NAALADL2: variants seen among roughly 807,000 people sequenced by gnomAD.
NAALADL2 encodes the protein N-acetylated alpha-linked acidic dipeptidase like 2, also known as inactive N-acetylated-alpha-linked acidic dipeptidase-like protein 2.
A neutral mutation model predicts 87.2 loss-of-function variants in NAALADL2; 76 were observed. The ratio of observed to expected loss-of-function variants is 0.87; its 90% CI spans 0.72 to 1.05. The LOEUF (loss-of-function observed/expected upper bound fraction) is 1.05, where lower values mean the gene tolerates loss of function less well. Among genes scored for constraint, NAALADL2 ranks in the 50% least tolerant of loss-of-function variants. NAALADL2 has a pLI of 0.00. For synonymous variants in NAALADL2, 354 were observed against 331.0 expected, an observed-to-expected ratio of 1.07 and a Z score of -0.75; for missense variants, 1,089 against 945.8, an observed-to-expected ratio of 1.15 and a Z score of -1.99.
chr3:175,652,568 T>C (rs1333998609), intron 11 of NAALADL2, among the ~76,000 whole-genome samples: 1 of 147,324 alleles, frequency 6.8e-6, no homozygotes, highest in African/African-American at 2.5e-5. Context: ...AAGCTCCGCC[T>C]CCCGGGTTCA....
chr3:175,519,977 CAAAT>C (rs1732397410), intron 9 of NAALADL2, among the ~76,000 whole-genome samples: 1 of 152,094 alleles, frequency 6.6e-6, no homozygotes, highest in Non-Finnish European at 1.5e-5. Context: ...GAATCTTAGA[CAAAT>C]GAATAAGATG....
intron 1 of NAALADL2, among the ~76,000 whole-genome samples, chr3:175,024,219 T>C (rs921519824): frequency 7.9e-5 from 12 of 152,022 alleles, no homozygotes; most frequent in Non-Finnish European, 2.9e-5. Flanking sequence ...TAAACTAATA[T>C]CATTAAAGTG....
At chr3:175,063,417 A>G (rs1284040153) in intron 1 of NAALADL2, among the ~76,000 whole-genome samples, 1 of 151,842 alleles carries the variant, frequency 6.6e-6, no homozygotes, top group Non-Finnish European at 1.5e-5. Context: ...GCAATGGTTC[A>G]TGCCTGTAAT....
At chr3:174,539,977 G>GAAAAAA (rs57394560) in intron 1 of NAALADL2, among the ~76,000 whole-genome samples, 1 of 51,178 alleles carries the variant, frequency 2.0e-5, no homozygotes, top group Non-Finnish European at 3.8e-5. Flanking sequence ...GGAAGTTCTG[G>GAAAAAA]AAAAAAAAAA....
At chr3:174,888,377 A>G (rs948441866) in intron 1 of NAALADL2, among the ~76,000 whole-genome samples, 1 of 152,236 alleles carries the variant, frequency 6.6e-6, no homozygotes. Flanking sequence ...AATATAAGAC[A>G]GGAAATGCTC....
intron 2 of NAALADL2, among the ~76,000 whole-genome samples, chr3:174,666,095 T>C (rs1345650412): frequency 6.6e-6 from 1 of 152,174 alleles, no homozygotes; most frequent in African/African-American, 2.4e-5. Context: ...TATCATTTTT[T>C]GGGGTATAGT....
intron 11 of NAALADL2, among the ~76,000 whole-genome samples, chr3:175,652,419 T>TG (rs1730883306): frequency 6.6e-6 from 1 of 152,060 alleles, no homozygotes; most frequent in Non-Finnish European, 1.5e-5. Context: ...AGGCTAGAAC[T>TG]GTTAAAATGT....
chr3:174,461,914 CTT>C (rs1716236653), intron 1 of NAALADL2, among the ~76,000 whole-genome samples: 1 of 151,976 alleles, frequency 6.6e-6, no homozygotes, highest in East Asian at 1.9e-4. Flanking sequence ...ACACAAGTAA[CTT>C]ATCATCTATA....
chr3:174,780,725 A>C (rs1160279148), intron 3 of NAALADL2, among the ~76,000 whole-genome samples: 1 of 152,076 alleles, frequency 6.6e-6, no homozygotes, highest in Non-Finnish European at 1.5e-5. Flanking sequence ...CCTTTTCTGC[A>C]CCTGTTGAGA....
chr3:175,020,729 C>T (rs114632292), intron 1 of NAALADL2, among the ~76,000 whole-genome samples: 373 of 152,152 alleles, frequency 2.5e-3, no homozygotes, highest in African/African-American at 8.3e-3. Context: ...CATACCAGTT[C>T]AGAAGTCACC....
chr3:175,652,959 A>G (rs1730985172), intron 11 of NAALADL2, among the ~76,000 whole-genome samples: 1 of 152,334 alleles, frequency 6.6e-6, no homozygotes, highest in South Asian at 2.1e-4. Flanking sequence ...TACTGATAAC[A>G]TAAACAGGGG....
At chr3:175,208,768 G>A (rs1316200024) in intron 2 of NAALADL2, among the ~76,000 whole-genome samples, 2 of 152,120 alleles carry the variant, frequency 1.3e-5, no homozygotes, top group Non-Finnish European at 1.5e-5. Context: ...ATGGAGAAGC[G>A]CAGTAAGGCC....
intron 8 of NAALADL2, among the ~76,000 whole-genome samples, chr3:175,469,933 T>A (rs1724623510): frequency 1.3e-5 from 2 of 152,104 alleles, no homozygotes; most frequent in Admixed American, 6.6e-5. Flanking sequence ...TACTCAAGCT[T>A]AAAATTCATC....
intron 2 of NAALADL2, among the ~76,000 whole-genome samples, chr3:175,199,998 A>T (rs894379795): frequency 6.7e-6 from 1 of 149,806 alleles, no homozygotes; most frequent in African/African-American, 2.5e-5. Flanking sequence ...ATACTCTTTC[A>T]GACTACTACT....
chr3:175,167,470 G>A (rs1734167747), intron 2 of NAALADL2, among the ~76,000 whole-genome samples: 1 of 151,964 alleles, frequency 6.6e-6, no homozygotes, highest in Admixed American at 6.6e-5. Context: ...ATCATCTTCA[G>A]TCACCATTCT....
chr3:175,047,840 C>T (rs913148008), intron 1 of NAALADL2, among the ~76,000 whole-genome samples: 1 of 152,164 alleles, frequency 6.6e-6, no homozygotes, highest in Non-Finnish European at 1.5e-5. Context: ...TTCATATATT[C>T]ACAACTGGCA....
intron 3 of NAALADL2, among the ~76,000 whole-genome samples, chr3:174,774,359 C>T (rs1425011176): frequency 1.3e-5 from 2 of 152,102 alleles, no homozygotes; most frequent in African/African-American, 4.8e-5. Flanking sequence ...GGCTAACTGC[C>T]CAAATAGACA....
intron 2 of NAALADL2, among the ~76,000 whole-genome samples, chr3:174,725,840 T>A (rs1732128921): frequency 6.6e-6 from 1 of 152,180 alleles, no homozygotes; most frequent in Non-Finnish European, 1.5e-5. Flanking sequence ...TGAAGATAGT[T>A]GTCTCTAAAG....
At chr3:174,518,617 C>G (rs1720075603) in intron 1 of NAALADL2, among the ~76,000 whole-genome samples, 1 of 152,090 alleles carries the variant, frequency 6.6e-6, no homozygotes, top group African/African-American at 2.4e-5. Context: ...ACCTGTAAGA[C>G]CCTTATTATC....
Sources: allele counts gnomAD v4.1 joint callset (sites outside exome capture counted in the v4.1 genomes callset), GRCh38; gene constraint gnomAD v4.1.1; transcripts MANE v1.5; gene names NCBI Gene and HGNC (gene_info 2026-07-23, HGNC 2026-07-21).